Variants in ACTC1 observed in about 807,000 individuals in gnomAD.
ACTC1 encodes actin alpha cardiac muscle 1.
ACTC1 carries 10 observed loss-of-function variants against 31.6 expected under a neutral mutation model. The observed-to-expected ratio is 0.32, with a 90% CI of 0.19 to 0.54. The LOEUF is 0.54. Ranked by LOEUF, ACTC1 falls within the 20% of genes least tolerant of loss-of-function variation. The probability of loss-of-function intolerance (pLI) is 0.95; values close to 1 mark genes in which losing one functional copy is unlikely to be tolerated. For synonymous variants in ACTC1, 196 were observed against 185.0 expected (o/e 1.06, Z -0.48); for missense variants, 129 against 506.4 (o/e 0.25, Z 7.15).
rs1566967663 is a variant in ACTC1, at chr15:34,793,173, G to A, written c.454+72C>T. ...GGGATTATCCCTTTTTCAACTGGGG[G>A]ATCTGATTCACAGCAAGGTCGGTGA... is the stretch of plus-strand genomic sequence containing the variant. On this transcript the variant is annotated intron_variant, in intron 3 of 6. Coordinates refer to ENST00000290378, the MANE Select transcript of ACTC1 (RefSeq NM_005159.5). The surrounding 1 kb of genome is among the most constrained non-coding windows in gnomAD (Gnocchi z 4.8). 6.8e-7 allele frequency: 1 copy of A among 1,468,168 alleles called. No homozygotes were observed. Among genetic ancestry groups the A allele is most frequent in the Non-Finnish European group, 9.5e-7 (1 of 1,053,008 alleles). 90.9% of individuals were successfully genotyped at this position (1,468,168 alleles called of 1,614,324 possible). A position where few individuals can be genotyped will look rare whatever the true frequency, so the allele number is the denominator to read the frequency against.
In ACTC1 at chr15:34,794,791, C is replaced by T. The variant is rs1891783715; in HGVS notation, c.18G>A (p.Glu6=). Residue 6 remains glutamate (E), a synonymous_variant, in exon 2 of 7, where the codon GAG becomes GAA. Coordinates refer to ENST00000290378, the MANE Select transcript of ACTC1 (RefSeq NM_005159.5). ...CGTTGTCGCACACCAGGGCGGTGGT[C>T]TCCTCGTCGTCACACATCTTGGCAC... MCDDE[E]TTALVCDNGS... 1 of 1,613,606 alleles carries T rather than the reference C, an allele frequency of 6.2e-7. No individual in the cohort carries two copies. The highest frequency in any genetic ancestry group is 1.7e-5 in the Admixed American group (1 of 60,008).
In ACTC1 at chr15:34,792,400, A is replaced by G. The variant is rs397517066; in HGVS notation, c.616+8T>C. On this transcript the variant is annotated splice_region_variant and intron_variant, in intron 4 of 6. Coordinates refer to ENST00000290378, the MANE Select transcript of ACTC1 (RefSeq NM_005159.5). This position sits in a 1 kb window ranked among gnomAD's most constrained non-coding sequence, Gnocchi z 5.3. ...CCACACTGTGGCAGATGAGACACACACACTCACCAGTGGTGACAAAGGAGT... is the reference window on the plus strand; with the variant it reads ...CCACACTGTGGCAGATGAGACACACGCACTCACCAGTGGTGACAAAGGAGT... 1.2e-6 allele frequency: 2 copies of G among 1,614,220 alleles called. No homozygotes were observed. The highest frequency in any genetic ancestry group is 1.7e-6 in the Non-Finnish European group (2 of 1,180,030).
chr15:34,795,031 G>A (rs1249911869), intron 1 of ACTC1, among the ~76,000 whole-genome samples: 3 of 152,178 alleles, frequency 2.0e-5, no homozygotes, highest in Non-Finnish European at 4.4e-5. Flanking sequence ...GGACAGAGAA[G>A]GGCAGAGGAA....
At chr15:34,794,601 G>A (rs1328394338) in intron 2 of ACTC1, 79 bp downstream of exon 2, 2 of 1,516,498 alleles carry the variant, frequency 1.3e-6, no homozygotes, top group African/African-American at 1.4e-5. Context: ...TCGAACAAGA[G>A]GGTCAGGTGA....
Position 34,792,697 on chromosome 15 carries a change from A to G in ACTC1, c.455-128T>C. 2 of 974,364 alleles carry G rather than the reference A, an allele frequency of 2.1e-6. No homozygotes were observed. The highest frequency in any genetic ancestry group is 3.2e-6 in the Non-Finnish European group (2 of 621,504). The allele number at this position is 974,364 out of a possible 1,614,324, so 60.4% of individuals were successfully genotyped here. ...AATGGGCATTGATCCAGATAAAATTAGATTCCTTACACACAAAGAATAAAA... is the reference window on the plus strand; with the variant it reads ...AATGGGCATTGATCCAGATAAAATTGGATTCCTTACACACAAAGAATAAAA... On this transcript the variant is annotated intron_variant, in intron 3 of 6. Coordinates refer to ENST00000290378, the MANE Select transcript of ACTC1 (RefSeq NM_005159.5). The surrounding 1 kb of genome is among the most constrained non-coding windows in gnomAD (Gnocchi z 5.3).
In ACTC1 at chr15:34,793,534, G is replaced by A. The variant is rs149432225; in HGVS notation, c.165C>T (p.Tyr55=). 6.4e-5 allele frequency: 103 copies of A among 1,613,944 alleles called. 1 individual carries two copies. The highest frequency in any genetic ancestry group is 1.6e-4 in the Middle Eastern group (1 of 6,084). The change falls in exon 3 of 7, where the codon TAC becomes TAT. Residue 55 remains tyrosine (Y), a synonymous_variant. Transcript: ENST00000290378. This position sits in a 1 kb window ranked among gnomAD's most constrained non-coding sequence, Gnocchi z 4.8. ...VMVGMGQKDS[Y]VGDEAQSKRG... ...TCTTGCTCTGGGCTTCATCACCTAC[G>A]TAGGAGTCCTTCTGACCCATACCCA...
rs1299396621 is a variant in ACTC1, at chr15:34,793,593, A to G, written c.130-24T>C. ...CCCTATGAGAAGAAAAAATGAGAAA[A>G]TCATGCTCTCACCATGTCAGGAATA... On this transcript the variant is annotated intron_variant, in intron 2 of 6. Coordinates refer to ENST00000290378, the MANE Select transcript of ACTC1 (RefSeq NM_005159.5). The surrounding 1 kb of genome is among the most constrained non-coding windows in gnomAD (Gnocchi z 4.8). 6.2e-7 allele frequency: 1 copy of G among 1,603,290 alleles called. No individual in the cohort carries two copies. Among genetic ancestry groups the G allele is most frequent in the Non-Finnish European group, 8.5e-7 (1 of 1,170,704 alleles).
At position 34,792,015 on chromosome 15, in the gene ACTC1, C is replaced by T. The variant is rs1891715639; in HGVS notation, c.808+75G>A. 3.2e-5 allele frequency: 49 copies of T among 1,545,372 alleles called. No homozygotes were observed. Among genetic ancestry groups the T allele is most frequent in the Non-Finnish European group, 4.2e-5 (47 of 1,121,498 alleles). ...CTTTTAACTCAAGGGCTTCTTGAGC[C>T]TTCTAGATTTTACTCTGGGAGACCC... On this transcript the variant is annotated intron_variant, in intron 5 of 6. Coordinates refer to ENST00000290378, the MANE Select transcript of ACTC1 (RefSeq NM_005159.5). The surrounding 1 kb of genome is among the most constrained non-coding windows in gnomAD (Gnocchi z 5.3).
rs1891685286 is a variant in ACTC1, at chr15:34,790,644, C to A, written c.991-89G>T. ...CATTGGGAGGATTCACAGAAAAAAA[C>A]CATTAGATATTAATTCGCTATAATG... On this transcript the variant is annotated intron_variant, in intron 6 of 6. Coordinates refer to ENST00000290378, the MANE Select transcript of ACTC1 (RefSeq NM_005159.5). The A allele has an allele frequency of 2.7e-6, 4 of 1,493,230 alleles. No individual in the cohort carries two copies. In the Admixed American group the frequency reaches 6.9e-5, roughly 26 times the overall value. 92.5% of individuals were successfully genotyped at this position (1,493,230 alleles called of 1,614,324 possible). A position where few individuals can be genotyped will look rare whatever the true frequency, so the allele number is the denominator to read the frequency against.
In ACTC1 at chr15:34,790,570, C is replaced by T; in HGVS notation, c.991-15G>A. The T allele has an allele frequency of 1.2e-6, 2 of 1,612,018 alleles. No individual in the cohort carries two copies. On this transcript the variant is annotated splice_polypyrimidine_tract_variant and intron_variant, in intron 6 of 6. Transcript: ENST00000290378. ...GGAGCAATAATCTGCAGAAAGAAAACAAAAACTTCCAGTGAACTCTGAAGT... is the reference window on the plus strand; with the variant it reads ...GGAGCAATAATCTGCAGAAAGAAAATAAAAACTTCCAGTGAACTCTGAAGT...
rs73387696 is a variant in ACTC1 at position 34,790,878 on chromosome 15, G to A, written c.990+236C>T. Among the ~76,000 whole-genome samples, 3,120 of 152,146 alleles carry A rather than the reference G, an allele frequency of 0.021. 122 individuals are homozygous for A. The highest frequency in any genetic ancestry group is 0.071 in the African/African-American group (2,938 of 41,494). ...AAAATGTATTCAAAGATTTTGTTGCGTGTGTGTGTGTCTTTTTTTTGTCAA... is the reference window on the plus strand; with the variant it reads ...AAAATGTATTCAAAGATTTTGTTGCATGTGTGTGTGTCTTTTTTTTGTCAA... On this transcript the variant is annotated intron_variant, in intron 6 of 6. Transcript: ENST00000290378.
rs756060664 is a variant in ACTC1, at chr15:34,791,099, A to G, written c.990+15T>C. 4.4e-6 allele frequency: 7 copies of G among 1,579,610 alleles called. No individual in the cohort carries two copies. The Admixed American group carries it at 1.2e-4, about 27-fold the overall frequency. ...AAGACTTGCCTCGGATCTCCCACTC[A>G]CAAAAGTTCTTTACCTTAATCTTCA... On this transcript the variant is annotated intron_variant, in intron 6 of 6. Transcript: ENST00000290378.
chr15:34,791,673 A>G, intron 5 of ACTC1: 1 of 332,010 alleles, frequency 3.0e-6, no homozygotes, highest in Non-Finnish European at 5.6e-6. Flanking sequence ...TATGGAAAGC[A>G]TTGCTTAGGA....
chr15:34,791,340 C>G, intron 5 of ACTC1, 45 bp from the exon 6 acceptor site: 2 of 987,746 alleles, frequency 2.0e-6, no homozygotes, highest in Non-Finnish European at 2.9e-6. Context: ...CACACACACA[C>G]ACACACACAC....
rs1219481610 is a variant in ACTC1, at chr15:34,793,993, T to C, written c.130-424A>G. On this transcript the variant is annotated intron_variant, in intron 2 of 6. Coordinates refer to ENST00000290378, the MANE Select transcript of ACTC1 (RefSeq NM_005159.5). This position sits in a 1 kb window ranked among gnomAD's most constrained non-coding sequence, Gnocchi z 4.8. ...TGACATTCAAGTGAACACATAATGA[T>C]GGGCTGATATGCCATCCTCACTCCA... Among the ~76,000 whole-genome samples, 5 of 152,260 alleles carry C rather than the reference T, an allele frequency of 3.3e-5. No individual in the cohort carries two copies. Among genetic ancestry groups the C allele is most frequent in the African/African-American group, 1.2e-4 (5 of 41,462 alleles).
rs139651417 is a variant in ACTC1 at position 34,793,596 on chromosome 15, A to G, written c.130-27T>C. ...TATGAGAAGAAAAAATGAGAAAATC[A>G]TGCTCTCACCATGTCAGGAATATAA... is the stretch of plus-strand genomic sequence containing the variant. On this transcript the variant is annotated intron_variant, in intron 2 of 6. Transcript: ENST00000290378. This position sits in a 1 kb window ranked among gnomAD's most constrained non-coding sequence, Gnocchi z 4.8. The G allele has an allele frequency of 2.4e-4, 388 of 1,599,300 alleles. 2 individuals carry two copies. In the African/African-American group the frequency reaches 4.0e-3, roughly 17 times the overall value.
At position 34,792,250 on chromosome 15, in the gene ACTC1, C is replaced by T. The variant is rs1595760828; in HGVS notation, c.648G>A (p.Glu216=). 2 of 1,614,238 alleles carry T rather than the reference C, an allele frequency of 1.2e-6. No individual in the cohort carries two copies. The highest frequency in any genetic ancestry group is 1.7e-6 in the Non-Finnish European group (2 of 1,180,052). ...AEREIVRDIK[E]KLCYVALDFE... ...AATCCAGGGCGACATAGCACAGCTT[C>T]TCTTTAATGTCACGGACAATTTCAC... The change falls in exon 5 of 7, where the codon GAG becomes GAA. Residue 216 remains glutamate, a synonymous_variant. Transcript: ENST00000290378. The surrounding 1 kb of genome is among the most constrained non-coding windows in gnomAD (Gnocchi z 5.3).
intron 5 of ACTC1, 41 bp from the exon 6 acceptor site, chr15:34,791,336 CACACACACACACACA>C (rs1405652181): frequency 2.6e-5 from 32 of 1,225,868 alleles, no homozygotes; most frequent in Non-Finnish European, 3.7e-5. Flanking sequence ...CACACACACA[CACACACACACACACA>C]CATCACAGTG....
intron 6 of ACTC1, 90 bp from the exon 7 acceptor site, chr15:34,790,645 C>T: frequency 2.0e-6 from 3 of 1,488,718 alleles, no homozygotes; most frequent in Non-Finnish European, 2.8e-6. Flanking sequence ...AGAAAAAAAC[C>T]ATTAGATATT....
Sources: allele counts gnomAD v4.1 joint callset (sites outside exome capture counted in the v4.1 genomes callset), GRCh38; gene constraint gnomAD v4.1.1; non-coding constraint Gnocchi (gnomAD v3.1); transcripts MANE v1.5; gene names NCBI Gene and HGNC (gene_info 2026-07-23, HGNC 2026-07-21).